The following MAML3 variants were observed in gnomAD, a reference collection of about 807,000 sequenced individuals.
The protein encoded by MAML3 is mastermind like transcriptional coactivator 3.
In MAML3, 27 loss-of-function variants were observed where a neutral mutation model predicts 101.9. The ratio of observed to expected loss-of-function variants is 0.27; its 90% CI spans 0.20 to 0.37. The LOEUF is 0.37. Ranked by LOEUF, MAML3 falls within the 10% of genes least tolerant of loss-of-function variation. MAML3 has a pLI of 1.00. For synonymous variants in MAML3, 501 were observed against 555.9 expected (o/e 0.90, Z 1.39); for missense variants, 1,316 against 1,444.9 (o/e 0.91, Z 1.45).
chr4:140,093,870 C>T (rs1242123444), intron 1 of MAML3, among the ~76,000 whole-genome samples: 1 of 152,168 alleles, frequency 6.6e-6, no homozygotes, highest in Non-Finnish European at 1.5e-5. Flanking sequence ...ATTACCCTAG[C>T]CTGAGATTTC....
Position 139,891,407 on chromosome 4 carries a change from T to A in MAML3, c.469-440A>T, listed in dbSNP as rs145511187. 1.2e-3 allele frequency among the ~76,000 whole-genome samples: 186 copies of A among 152,192 alleles called. 1 individual carries two copies. The East Asian group carries it at 0.017, about 14-fold the overall frequency. On this transcript the variant is annotated intron_variant, in intron 1 of 4. Transcript: ENST00000509479. ...GATTCTGCTGCCTCAGCCTCCAGAG[T>A]AGCTAGGATACAGGCACGCGTCACC...
At chr4:139,908,567 T>A (rs1262371918) in intron 1 of MAML3, among the ~76,000 whole-genome samples, 1 of 152,260 alleles carries the variant, frequency 6.6e-6, no homozygotes, top group Non-Finnish European at 1.5e-5. Context: ...TCTTCTCAGA[T>A]ATTTAAGTAG....
chr4:139,873,369 T>C (rs1732052155), intron 2 of MAML3, among the ~76,000 whole-genome samples: 1 of 152,166 alleles, frequency 6.6e-6, no homozygotes, highest in South Asian at 2.1e-4. Flanking sequence ...ATCCTAAGCT[T>C]TCCTGAGCCA....
At chr4:140,009,698 C>A (rs1328765031) in intron 1 of MAML3, among the ~76,000 whole-genome samples, 1 of 152,170 alleles carries the variant, frequency 6.6e-6, no homozygotes, top group East Asian at 1.9e-4. Context: ...AGAGTACCTG[C>A]TGTGCACCAG....
intron 2 of MAML3, among the ~76,000 whole-genome samples, chr4:139,827,788 A>G (rs1731088059): frequency 6.6e-6 from 1 of 152,230 alleles, no homozygotes. Flanking sequence ...TGAGTCTTTA[A>G]TAAAGAATTG....
chr4:140,129,871 A>T (rs1485471322), intron 1 of MAML3, among the ~76,000 whole-genome samples: 1 of 152,004 alleles, frequency 6.6e-6, no homozygotes. Context: ...AGGCTGAGGC[A>T]GGAGAATCAC....
At chr4:139,787,499 C>T (rs1730326287) in intron 2 of MAML3, among the ~76,000 whole-genome samples, 1 of 152,182 alleles carries the variant, frequency 6.6e-6, no homozygotes, top group Admixed American at 6.5e-5. Flanking sequence ...TTATATAAAT[C>T]CCAAGTCTCA....
intron 2 of MAML3, among the ~76,000 whole-genome samples, chr4:139,879,561 A>C (rs1732179069): frequency 6.8e-6 from 1 of 147,990 alleles, no homozygotes. Flanking sequence ...GAAAAGAAAA[A>C]AGAGAAAGAA....
intron 2 of MAML3, among the ~76,000 whole-genome samples, chr4:139,788,714 T>C (rs1439986204): frequency 1.3e-5 from 2 of 152,272 alleles, no homozygotes; most frequent in Non-Finnish European, 2.9e-5. Flanking sequence ...ATAGCTTTTC[T>C]TAGAAATTTC....
chr4:139,912,293 G>A (rs1190632170), intron 1 of MAML3, among the ~76,000 whole-genome samples: 3 of 152,086 alleles, frequency 2.0e-5, no homozygotes, highest in African/African-American at 7.2e-5. Flanking sequence ...AAAGAAGTTT[G>A]GCTCTAATAG....
At chr4:139,888,739 A>T (rs142356110) in intron 2 of MAML3, 2 of 490,456 alleles carry the variant, frequency 4.1e-6, no homozygotes, top group East Asian at 1.1e-4. Flanking sequence ...GAGAGGTTTC[A>T]TTGCACTCCC....
In MAML3 at chr4:139,889,916, TGCTGCTGCTGC is replaced by T. The variant is rs1201502293; in HGVS notation, c.1509_1519del (p.Gln504AlafsTer19). Reference sequence around the variant, plus strand: ...AGTCTGATTTGAGTGCTGTTGCTGCTGCTGCTGCTGCTGCTGCTGCTGCTGCTGCTGCTGCT... The same window carrying T: ...AGTCTGATTTGAGTGCTGTTGCTGCTTGCTGCTGCTGCTGCTGCTGCTGCT... On this transcript the variant is annotated frameshift_variant, in exon 2 of 5. Coordinates refer to ENST00000509479, the MANE Select transcript of MAML3 (RefSeq NM_018717.5). LOFTEE classifies it high-confidence loss of function. 5 of 419,914 alleles carry T rather than the reference TGCTGCTGCTGC, an allele frequency of 1.2e-5. No individual in the cohort carries two copies. Among genetic ancestry groups the T allele is most frequent in the African/African-American group, 6.3e-5 (1 of 15,756 alleles). The allele number at this position is 419,914 out of a possible 1,614,324, so 26.0% of individuals were successfully genotyped here.
intron 2 of MAML3, among the ~76,000 whole-genome samples, chr4:139,800,215 C>T (rs1389834159): frequency 4.6e-5 from 7 of 151,958 alleles, no homozygotes; most frequent in Non-Finnish European, 8.8e-5. Flanking sequence ...CCCTGGTAAA[C>T]GTTGATGAAT....
At chr4:139,970,057 A>T (rs1560852734) in intron 1 of MAML3, among the ~76,000 whole-genome samples, 1 of 152,240 alleles carries the variant, frequency 6.6e-6, no homozygotes, top group Admixed American at 6.5e-5. Context: ...GGGTTATGAA[A>T]GATACAGTCC....
intron 1 of MAML3, among the ~76,000 whole-genome samples, chr4:139,902,863 G>A (rs1732754243): frequency 6.6e-6 from 1 of 152,224 alleles, no homozygotes; most frequent in Non-Finnish European, 1.5e-5. Flanking sequence ...GAGTGACCAA[G>A]GCTGAGCCCG....
At chr4:139,892,589 A>G (rs866178743) in intron 1 of MAML3, among the ~76,000 whole-genome samples, 32 of 122,932 alleles carry the variant, frequency 2.6e-4, no homozygotes, top group African/African-American at 8.6e-4. Flanking sequence ...ACTCCTTATA[A>G]TGCCACATTT....
rs538428536 is a variant in MAML3 at position 139,768,578 on chromosome 4, A to C, written c.2080-37911T>G. Among the ~76,000 whole-genome samples, 331 of 152,358 alleles carry C rather than the reference A, an allele frequency of 2.2e-3. 2 individuals carry two copies. Among genetic ancestry groups the C allele is most frequent in the African/African-American group, 7.6e-3 (316 of 41,582 alleles). On this transcript the variant is annotated intron_variant, in intron 2 of 4. Coordinates refer to ENST00000509479, the MANE Select transcript of MAML3 (RefSeq NM_018717.5). Reference sequence around the variant, plus strand: ...AGTTGTAAATACCTCCTTATGAATCAATAGCAATGTAACACCAGATGTTTA... The same window carrying C: ...AGTTGTAAATACCTCCTTATGAATCCATAGCAATGTAACACCAGATGTTTA...
At chr4:140,131,790 G>C (rs1728798880) in intron 1 of MAML3, among the ~76,000 whole-genome samples, 1 of 152,194 alleles carries the variant, frequency 6.6e-6, no homozygotes, top group Non-Finnish European at 1.5e-5. Flanking sequence ...TCAGTCTACT[G>C]CTGTCCCAGC....
chr4:140,133,670 T>G (rs1465357770), intron 1 of MAML3, among the ~76,000 whole-genome samples: 1 of 152,192 alleles, frequency 6.6e-6, no homozygotes, highest in Non-Finnish European at 1.5e-5. Flanking sequence ...GTAGCTACAT[T>G]TTCAGATTCC....
Sources: allele counts gnomAD v4.1 joint callset (sites outside exome capture counted in the v4.1 genomes callset), GRCh38; gene constraint gnomAD v4.1.1; transcripts MANE v1.5; gene names NCBI Gene and HGNC (gene_info 2026-07-23, HGNC 2026-07-21).